Variants in C2orf49 observed in about 807,000 individuals in gnomAD.
The protein encoded by C2orf49 is tRNA-splicing ligase complex subunit ASW.
A neutral mutation model predicts 20.6 loss-of-function variants in C2orf49; 11 were observed. The observed-to-expected ratio is 0.53, with a 90% CI of 0.34 to 0.88. The LOEUF (loss-of-function observed/expected upper bound fraction) is 0.88. Ranked by LOEUF, C2orf49 falls within the 40% of genes least tolerant of loss-of-function variation. The pLI is 0.02. For missense variants in C2orf49, 289 were observed against 274.2 expected (o/e 1.05, Z -0.38); for synonymous variants, 134 against 108.5 (o/e 1.24, Z -1.46).
At chr2:105,349,639 A>C (rs1679892240), downstream of C2orf49, among the ~76,000 whole-genome samples, 1 of 152,230 alleles carries the variant, frequency 6.6e-6, no homozygotes, top group South Asian at 2.1e-4. Flanking sequence ...AGGCAGATTA[A>C]GTACTTGCTT....
chr2:105,357,267 G>A, the C2orf49 span, among the ~76,000 whole-genome samples: 1 of 151,846 alleles, frequency 6.6e-6, no homozygotes, highest in Admixed American at 6.6e-5. Flanking sequence ...CTGTTTTTCA[G>A]ATTGTATAAT....
rs1679789671 is a variant in C2orf49, at chr2:105,345,482, G to GT, written c.*114dup. The GT allele has an allele frequency of 8.4e-6, 7 of 837,094 alleles. No individual in the cohort carries two copies. The East Asian group carries it at 1.9e-4, about 23-fold the overall frequency. 51.9% of individuals were successfully genotyped at this position (837,094 alleles called of 1,614,324 possible). A position where few individuals can be genotyped will look rare whatever the true frequency, so the allele number is the denominator to read the frequency against. On this transcript the variant is annotated 3_prime_UTR_variant, in exon 4 of 4. Coordinates refer to ENST00000258457, the MANE Select transcript of C2orf49 (RefSeq NM_024093.3). Reference sequence around the variant, plus strand: ...GATTATTGTGGAATTTTCTTAAGAGGTTTCAAATAGGTTTAAAAAAATAAA... The same window carrying GT: ...GATTATTGTGGAATTTTCTTAAGAGGTTTTCAAATAGGTTTAAAAAAATAAA...
chr2:105,340,644 CA>C (rs1356299403), intron 2 of C2orf49, among the ~76,000 whole-genome samples: 22 of 152,254 alleles, frequency 1.4e-4, no homozygotes, highest in Non-Finnish European at 2.5e-4. Context: ...TATTTAATTT[CA>C]AAAACAGTTT....
At chr2:105,352,677 C>G (rs905164592), downstream of C2orf49, among the ~76,000 whole-genome samples, 117 of 152,054 alleles carry the variant, frequency 7.7e-4, no homozygotes, top group African/African-American at 2.7e-3. Context: ...ATCTCCTGAC[C>G]TTGTGATCTG....
chr2:105,338,271 A>G (rs537177287), intron 1 of C2orf49, among the ~76,000 whole-genome samples: 184 of 152,294 alleles, frequency 1.2e-3, no homozygotes, highest in Non-Finnish European at 2.4e-3. Flanking sequence ...TGATGTTTTA[A>G]GTGATAGAGA....
chr2:105,338,736 T>C (rs1679575884), intron 1 of C2orf49, among the ~76,000 whole-genome samples: 1 of 152,104 alleles, frequency 6.6e-6, no homozygotes, highest in Non-Finnish European at 1.5e-5. Context: ...AAAATGTGCT[T>C]TTATTAGTTT....
the C2orf49 span, among the ~76,000 whole-genome samples, chr2:105,381,501 G>T: frequency 1.3e-5 from 2 of 152,080 alleles, no homozygotes; most frequent in East Asian, 2.0e-4. Flanking sequence ...TCCAGCCTCG[G>T]TGCATGCGAG....
At chr2:105,359,895 G>A in the C2orf49 span, 1 of 152,304 alleles carries the variant, frequency 6.6e-6, no homozygotes, top group Admixed American at 6.5e-5. Flanking sequence ...CCATAACACT[G>A]GGACAGAGCC....
Position 105,343,103 on chromosome 2 carries a change from C to T in C2orf49, c.522C>T (p.Asn174=). The T allele has an allele frequency of 6.2e-7, 1 of 1,614,212 alleles. No individual in the cohort carries two copies. The highest frequency in any genetic ancestry group is 1.3e-5 in the African/African-American group (1 of 75,050). Residue 174 remains asparagine (N), a synonymous_variant, in exon 3 of 4, where the codon AAC becomes AAT. Transcript: ENST00000258457. The part of the protein sequence containing the change: ...TEHNNNDAKQ[N]HDLTHRKSPS... ...ACAATAATAATGACGCTAAACAGAACCATGACTTAACGCATAGGAAAAGTC... is the reference window on the plus strand; with the variant it reads ...ACAATAATAATGACGCTAAACAGAATCATGACTTAACGCATAGGAAAAGTC...
the C2orf49 span, among the ~76,000 whole-genome samples, chr2:105,369,164 C>T: frequency 6.6e-6 from 1 of 152,142 alleles, no homozygotes; most frequent in African/African-American, 2.4e-5. Flanking sequence ...GGGTCACATA[C>T]ATGTGACTTC....
the C2orf49 span, chr2:105,362,940 C>A: frequency 3.8e-6 from 1 of 263,122 alleles, no homozygotes. Flanking sequence ...TCTAAGAACA[C>A]AGCACAGCTG....
At chr2:105,384,763 C>T in the C2orf49 span, among the ~76,000 whole-genome samples, 61 of 152,352 alleles carry the variant, frequency 4.0e-4, no homozygotes, top group Non-Finnish European at 7.3e-4. Flanking sequence ...CCGCCTTGGC[C>T]TCCCAAAGTG....
At chr2:105,373,805 T>G in the C2orf49 span, 60 of 1,434,740 alleles carry the variant, frequency 4.2e-5, no homozygotes, top group Non-Finnish European at 5.3e-5. Context: ...TAGGGGCCCC[T>G]TGCGAATCTG....
In C2orf49 at chr2:105,348,433, TGA is replaced by T. The variant is rs2104457128; in HGVS notation, c.*3067_*3068del. On this transcript the variant is annotated 3_prime_UTR_variant, in exon 4 of 4. Transcript: ENST00000258457. ...ATAATATTTTGGTTGACTTAAGTTT[TGA>T]GAGACAATTCTAAAATTGATCTAGA... is the stretch of plus-strand genomic sequence containing the variant. The T allele has an allele frequency of 6.6e-6, 1 of 151,884 alleles. No homozygotes were observed. Among genetic ancestry groups the T allele is most frequent in the African/African-American group, 2.4e-5 (1 of 41,436 alleles). The allele number at this position is 151,884 out of a possible 1,614,324, so 9.4% of individuals were successfully genotyped here.
In C2orf49 at chr2:105,346,173, T is replaced by A. The variant is rs1679805295; in HGVS notation, c.*802T>A. The stretch of plus-strand genomic sequence containing the variant: ...ATACTGCAACATTCATCCTTAAATG[T>A]TCACCAAGAAAAGCATCTTTGTAGT... On this transcript the variant is annotated 3_prime_UTR_variant, in exon 4 of 4. Coordinates refer to ENST00000258457, the MANE Select transcript of C2orf49 (RefSeq NM_024093.3). 6.6e-6 allele frequency: 1 copy of A among 152,192 alleles called. No homozygotes were observed. Among genetic ancestry groups the A allele is most frequent in the African/African-American group, 2.4e-5 (1 of 41,440 alleles). The allele number at this position is 152,192 out of a possible 1,614,324, so 9.4% of individuals were successfully genotyped here. A position where few individuals can be genotyped will look rare whatever the true frequency, so the allele number is the denominator to read the frequency against.
chr2:105,368,434 G>A, the C2orf49 span, among the ~76,000 whole-genome samples: 1 of 152,120 alleles, frequency 6.6e-6, no homozygotes, highest in South Asian at 2.1e-4. Context: ...TGGGCTCCAG[G>A]GAAACTCCTG....
At position 105,345,975 on chromosome 2, in the gene C2orf49, A is replaced by AT. The variant is rs2104453948; in HGVS notation, c.*604_*605insT. The AT allele has an allele frequency of 6.6e-6, 1 of 152,336 alleles. No homozygotes were observed. Among genetic ancestry groups the AT allele is most frequent in the South Asian group, 2.1e-4 (1 of 4,814 alleles). 9.4% of individuals were successfully genotyped at this position (152,336 alleles called of 1,614,324 possible). On this transcript the variant is annotated 3_prime_UTR_variant, in exon 4 of 4. Transcript: ENST00000258457. ...CGAAACTCCATCTCAAAAAAAAAAA[A>AT]GCATTCAGTGAATTTTCGGAGTTAC...
intron 2 of C2orf49, among the ~76,000 whole-genome samples, chr2:105,340,611 G>C (rs182059298): frequency 1.8e-4 from 27 of 152,268 alleles, no homozygotes; most frequent in Middle Eastern, 3.4e-3. Flanking sequence ...CTGTTAACTA[G>C]CTTAAGTTAT....
At chr2:105,367,652 C>T in the C2orf49 span, 1 of 1,614,238 alleles carries the variant, frequency 6.2e-7, no homozygotes, top group East Asian at 2.2e-5. Context: ...GGGGATGAAA[C>T]TCTTGGTTCC....
Sources: gnomAD v4.1 joint callset for allele counts (sites outside exome capture counted in the v4.1 genomes callset) on GRCh38, gnomAD v4.1.1 for gene constraint, MANE v1.5 for transcripts, NCBI Gene and HGNC (gene_info 2026-07-23, HGNC 2026-07-21) for gene names.